Variants in CAMK1D observed in about 807,000 individuals in gnomAD.
CAMK1D encodes the protein calcium/calmodulin-dependent protein kinase type 1D.
A neutral mutation model predicts 47.7 loss-of-function variants in CAMK1D; 9 were observed. The observed-to-expected ratio is 0.19, with a 90% CI of 0.11 to 0.33. CAMK1D has a LOEUF of 0.33. CAMK1D is among the 10% of genes least tolerant of loss of function. The probability of loss-of-function intolerance (pLI) is 1.00; values close to 1 mark genes in which losing one functional copy is unlikely to be tolerated. For missense variants in CAMK1D, 291 were observed against 488.7 expected (o/e 0.60, Z 3.81); for synonymous variants, 184 against 184.9 (o/e 0.99, Z 0.04).
At chr10:12,408,720 T>C (rs952061874) in intron 1 of CAMK1D, among the ~76,000 whole-genome samples, 1 of 152,200 alleles carries the variant, frequency 6.6e-6, no homozygotes, top group Non-Finnish European at 1.5e-5. Flanking sequence ...TTTCTCCTCT[T>C]GGATGCTGCA....
intron 1 of CAMK1D, among the ~76,000 whole-genome samples, chr10:12,353,713 A>C (rs1276252064): frequency 2.6e-5 from 4 of 152,156 alleles, no homozygotes; most frequent in African/African-American, 9.7e-5. Flanking sequence ...CCTCCTACAA[A>C]AGGGAATCCC....
At chr10:12,804,874 G>T (rs1254343194) in intron 6 of CAMK1D, among the ~76,000 whole-genome samples, 5 of 140,938 alleles carry the variant, frequency 3.5e-5, no homozygotes, top group Admixed American at 7.6e-5. Flanking sequence ...GGAGTTCAAG[G>T]CTGCAGTGAG....
At chr10:12,392,657 G>A (rs911830501) in intron 1 of CAMK1D, among the ~76,000 whole-genome samples, 2 of 152,140 alleles carry the variant, frequency 1.3e-5, no homozygotes, top group Admixed American at 6.6e-5. Context: ...TTTGTAGTGA[G>A]AATGCTTAAA....
chr10:12,824,576 C>T lies in CAMK1D; in HGVS notation c.921+24C>T, dbSNP rs572328546. ...GAGTAAGTGTGGAGTATATGAAATT[C>T]CCCGTGGATTAACCCCCTCGTGACA... On this transcript the variant is annotated intron_variant, in intron 9 of 10. Coordinates refer to ENST00000619168, the MANE Select transcript of CAMK1D (RefSeq NM_153498.4). 6.1e-5 allele frequency: 97 copies of T among 1,580,378 alleles called. No homozygotes were observed. In the South Asian group the frequency reaches 1.1e-3, roughly 17 times the overall value.
At position 12,705,464 on chromosome 10, in the gene CAMK1D, AAAAAG is replaced by A. The variant is rs565129225; in HGVS notation, c.299+38672_299+38676del. On this transcript the variant is annotated intron_variant, in intron 3 of 10. Transcript: ENST00000619168. ...TGACAAAGCGAGACTCCAGCTCAAA[AAAAAG>A]AAAAGAAAAGAAAAGAATAGAATAA... 1.5e-3 allele frequency among the ~76,000 whole-genome samples: 221 copies of A among 151,882 alleles called. 2 individuals are homozygous for A. Among genetic ancestry groups the A allele is most frequent in the Middle Eastern group, 6.8e-3 (2 of 294 alleles).
chr10:12,812,062 A>T (rs1385558529), intron 6 of CAMK1D, among the ~76,000 whole-genome samples: 1 of 152,234 alleles, frequency 6.6e-6, no homozygotes, highest in Non-Finnish European at 1.5e-5. Flanking sequence ...CACAGCCTTT[A>T]AAAATGTCAT....
At chr10:12,386,106 A>C (rs779979524) in intron 1 of CAMK1D, among the ~76,000 whole-genome samples, 1 of 152,204 alleles carries the variant, frequency 6.6e-6, no homozygotes, top group Non-Finnish European at 1.5e-5. Context: ...TTTTACAAAA[A>C]AAGCAGTCAT....
intron 1 of CAMK1D, among the ~76,000 whole-genome samples, chr10:12,361,450 T>A (rs1446441763): frequency 6.6e-6 from 1 of 151,968 alleles, no homozygotes; most frequent in Admixed American, 6.6e-5. Context: ...TTTTACCATG[T>A]TGGCCAGGAT....
At chr10:12,757,852 C>CTTTTTTTTTTTTTTTTTTTTTTTTT (rs869125453) in intron 3 of CAMK1D, among the ~76,000 whole-genome samples, 2 of 91,458 alleles carry the variant, frequency 2.2e-5, no homozygotes, top group Non-Finnish European at 4.2e-5. Context: ...GGGCCCTGCT[C>CTTTTTTTTTTTTTTTTTTTTTTTTT]TTTTTTTTTT....
intron 1 of CAMK1D, among the ~76,000 whole-genome samples, chr10:12,462,466 G>C (rs904990436): frequency 2.1e-5 from 2 of 97,534 alleles, no homozygotes; most frequent in South Asian, 5.8e-4. Context: ...GCCTGGCCAA[G>C]AATTTTTTTT....
intron 9 of CAMK1D, among the ~76,000 whole-genome samples, 188 bp downstream of exon 9, chr10:12,824,740 C>T (rs903694901): frequency 2.0e-5 from 3 of 152,150 alleles, no homozygotes; most frequent in African/African-American, 7.2e-5. Context: ...AACACTTCCC[C>T]TCTGTGATCA....
chr10:12,714,576 G>A (rs1266027082), intron 3 of CAMK1D, among the ~76,000 whole-genome samples: 1 of 151,976 alleles, frequency 6.6e-6, no homozygotes, highest in African/African-American at 2.4e-5. Context: ...AAAATTAGCT[G>A]GGCTTGGTGG....
At chr10:12,665,001 A>G (rs1840383690) in intron 2 of CAMK1D, among the ~76,000 whole-genome samples, 1 of 152,240 alleles carries the variant, frequency 6.6e-6, no homozygotes, top group South Asian at 2.1e-4. Flanking sequence ...TCTTTTAGGT[A>G]GATCCAATAA....
chr10:12,819,561 C>T (rs556728762), intron 8 of CAMK1D, among the ~76,000 whole-genome samples: 1 of 152,228 alleles, frequency 6.6e-6, no homozygotes, highest in Non-Finnish European at 1.5e-5. Context: ...CCCCGCAGGA[C>T]TTTTCAAGGG....
At chr10:12,670,064 A>T (rs1167132852) in intron 3 of CAMK1D, among the ~76,000 whole-genome samples, 2 of 149,982 alleles carry the variant, frequency 1.3e-5, no homozygotes, top group East Asian at 4.0e-4. Context: ...CATATGGTAG[A>T]TGTTGCGTTC....
chr10:12,467,975 A>G (rs1306384388), intron 1 of CAMK1D, among the ~76,000 whole-genome samples: 1 of 152,272 alleles, frequency 6.6e-6, no homozygotes, highest in Non-Finnish European at 1.5e-5. Flanking sequence ...ACAAGTTTAC[A>G]GTACAATATC....
intron 3 of CAMK1D, among the ~76,000 whole-genome samples, chr10:12,678,851 C>G (rs1564486541): frequency 6.6e-6 from 1 of 152,156 alleles, no homozygotes; most frequent in Non-Finnish European, 1.5e-5. Flanking sequence ...CAACCTCCGC[C>G]TCCCAGGTTC....
intron 2 of CAMK1D, among the ~76,000 whole-genome samples, chr10:12,645,728 C>G (rs1419539257): frequency 1.3e-5 from 2 of 152,158 alleles, no homozygotes; most frequent in South Asian, 2.1e-4. Flanking sequence ...AAATGAAAAT[C>G]AAGAACGTAA....
intron 3 of CAMK1D, among the ~76,000 whole-genome samples, chr10:12,689,898 G>C (rs1386163702): frequency 6.6e-6 from 1 of 152,140 alleles, no homozygotes; most frequent in Non-Finnish European, 1.5e-5. Flanking sequence ...CATTTTTATG[G>C]TTCATTCTGG....
Sources: gnomAD v4.1 joint callset for allele counts (sites outside exome capture counted in the v4.1 genomes callset) on GRCh38, gnomAD v4.1.1 for gene constraint, MANE v1.5 for transcripts, NCBI Gene and HGNC (gene_info 2026-07-23, HGNC 2026-07-21) for gene names.